SNCAIP: variants seen among roughly 807,000 people sequenced by gnomAD.
SNCAIP encodes the protein synuclein alpha interacting protein.
Under a neutral mutation model 86.7 loss-of-function variants are expected in SNCAIP, and 43 were observed. That is an observed-to-expected ratio of 0.50 (90% CI 0.39 to 0.64). The LOEUF is 0.64. SNCAIP is among the 30% of genes least tolerant of loss of function. The pLI is 0.00. For missense variants in SNCAIP, 981 were observed against 1,103.1 expected (o/e 0.89, Z 1.57); for synonymous variants, 417 against 427.2 (o/e 0.98, Z 0.29).
chr5:122,443,012 C>T lies in SNCAIP; in HGVS notation c.1423-1551C>T, dbSNP rs6875944. Among the ~76,000 whole-genome samples, 551 of 152,188 alleles carry T rather than the reference C, an allele frequency of 3.6e-3. 13 individuals carry two copies. The highest frequency in any genetic ancestry group is 0.035 in the East Asian group (179 of 5,180). On this transcript the variant is annotated intron_variant, in intron 7 of 10. Coordinates refer to ENST00000261368, the MANE Select transcript of SNCAIP (RefSeq NM_005460.4). ...GGAAAGAAAACTGCAGAGGTCAGGGCCAAGGGGGAGTAATAACAGTGTGTG... is the reference window on the plus strand; with the variant it reads ...GGAAAGAAAACTGCAGAGGTCAGGGTCAAGGGGGAGTAATAACAGTGTGTG...
chr5:122,354,790 C>G (rs1269234082), intron 1 of SNCAIP, among the ~76,000 whole-genome samples: 1 of 152,090 alleles, frequency 6.6e-6, no homozygotes, highest in Non-Finnish European at 1.5e-5. Context: ...CATTTTTATA[C>G]TTTTTATTCA....
intron 1 of SNCAIP, among the ~76,000 whole-genome samples, chr5:122,384,919 C>T (rs1277812372): frequency 1.3e-5 from 2 of 152,202 alleles, no homozygotes; most frequent in Non-Finnish European, 2.9e-5. Context: ...AGCAAAAATA[C>T]AGCAATCAAT....
intron 1 of SNCAIP, among the ~76,000 whole-genome samples, chr5:122,375,471 C>CT (rs35995238): frequency 0.047 from 5,374 of 115,472 alleles, 262 homozygotes; most frequent in African/African-American, 0.14. Flanking sequence ...TAGATTTTTG[C>CT]TTTTTTTTTT....
At chr5:122,360,349 G>A (rs975642332) in intron 1 of SNCAIP, among the ~76,000 whole-genome samples, 1 of 152,104 alleles carries the variant, frequency 6.6e-6, no homozygotes, top group Non-Finnish European at 1.5e-5. Flanking sequence ...TTCCTGACTG[G>A]CTCCTCAGCC....
chr5:122,362,228 T>C (rs1282619557), intron 1 of SNCAIP, among the ~76,000 whole-genome samples: 5 of 152,200 alleles, frequency 3.3e-5, no homozygotes, highest in African/African-American at 1.2e-4. Flanking sequence ...GATAAAAGTG[T>C]GCCTATTTTA....
chr5:122,405,972 C>T lies in SNCAIP; in HGVS notation c.130+2107C>T, dbSNP rs563514627. ...GTGCTCAAGGTAATCAGTAATCAGA[C>T]CTGACAGGAAATGGATTATGAGGGA... is the stretch of plus-strand genomic sequence containing the variant. On this transcript the variant is annotated intron_variant, in intron 3 of 10. Transcript: ENST00000261368. Among the ~76,000 whole-genome samples the T allele has an allele frequency of 2.6e-5, 4 of 152,168 alleles. No individual in the cohort carries two copies. In the South Asian group the frequency reaches 8.3e-4, roughly 32 times the overall value.
At chr5:122,329,521 T>G (rs942193971) in intron 1 of SNCAIP, among the ~76,000 whole-genome samples, 1 of 152,128 alleles carries the variant, frequency 6.6e-6, no homozygotes, top group African/African-American at 2.4e-5. Context: ...TGAAGAAAAT[T>G]TATGATAGTA....
chr5:122,340,851 G>T (rs1211726164), intron 1 of SNCAIP, among the ~76,000 whole-genome samples: 1 of 152,072 alleles, frequency 6.6e-6, no homozygotes, highest in African/African-American at 2.4e-5. Flanking sequence ...AATTTATTAG[G>T]CACTTGCCGA....
chr5:122,380,645 T>G (rs1580838768), intron 1 of SNCAIP, among the ~76,000 whole-genome samples: 1 of 147,086 alleles, frequency 6.8e-6, no homozygotes, highest in East Asian at 2.0e-4. Context: ...GGTGTCAATT[T>G]TGGATCTTTC....
intron 5 of SNCAIP, 61 bp downstream of exon 5, chr5:122,425,592 C>G (rs537255977): frequency 5.1e-6 from 7 of 1,381,562 alleles, no homozygotes; most frequent in Non-Finnish European, 6.2e-6. Flanking sequence ...TTTTAAGATT[C>G]CTTGTGAGCT....
intron 3 of SNCAIP, among the ~76,000 whole-genome samples, chr5:122,405,059 T>C (rs892273846): frequency 1.2e-4 from 19 of 152,364 alleles, no homozygotes; most frequent in African/African-American, 4.6e-4. Flanking sequence ...ATAAGTCTTA[T>C]AAGGATGTGT....
At chr5:122,334,169 A>T (rs1755946045) in intron 1 of SNCAIP, among the ~76,000 whole-genome samples, 1 of 152,206 alleles carries the variant, frequency 6.6e-6, no homozygotes, top group Non-Finnish European at 1.5e-5. Context: ...CTTACGTAGC[A>T]TATACCAGGT....
Position 122,453,120 on chromosome 5 carries a change from C to A in SNCAIP, c.2754+1519C>A. The A allele has an allele frequency of 5.1e-6, 3 of 589,074 alleles. No homozygotes were observed. The East Asian group carries it at 8.6e-5, about 17-fold the overall frequency. The allele number at this position is 589,074 out of a possible 1,614,324, so 36.5% of individuals were successfully genotyped here. On this transcript the variant is annotated intron_variant, in intron 10 of 10. Coordinates refer to ENST00000261368, the MANE Select transcript of SNCAIP (RefSeq NM_005460.4). ...ATAACACCAAGGAAGAAGAAAATTA[C>A]AACTATTCCCCCAAGTAGAAGCAGG...
At chr5:122,388,130 G>A (rs970547360) in intron 1 of SNCAIP, among the ~76,000 whole-genome samples, 4 of 152,186 alleles carry the variant, frequency 2.6e-5, no homozygotes, top group South Asian at 2.1e-4. Flanking sequence ...GAGCAGCTGC[G>A]GCTTAGCTCC....
At chr5:122,374,308 G>T (rs901151292) in intron 1 of SNCAIP, among the ~76,000 whole-genome samples, 2 of 152,142 alleles carry the variant, frequency 1.3e-5, no homozygotes, top group African/African-American at 4.8e-5. Context: ...AGACTTGGCA[G>T]CATGCAGCTT....
At chr5:122,438,609 C>T (rs975478598) in intron 6 of SNCAIP, among the ~76,000 whole-genome samples, 1 of 152,136 alleles carries the variant, frequency 6.6e-6, no homozygotes, top group Non-Finnish European at 1.5e-5. Flanking sequence ...GTTTTTGTGA[C>T]CAGAAATATG....
Position 122,376,130 on chromosome 5 carries a change from T to C in SNCAIP, c.-46-14959T>C, listed in dbSNP as rs1228223551. ...TTTTAATAAGCCATCTGAGTGACTC[T>C]CGTGCACTCTAAAGTTTGAGAATAA... On this transcript the variant is annotated intron_variant, in intron 1 of 10. Transcript: ENST00000261368. Among the ~76,000 whole-genome samples, 5 of 152,236 alleles carry C rather than the reference T, an allele frequency of 3.3e-5. No homozygotes were observed. In the East Asian group the frequency reaches 9.7e-4, roughly 29 times the overall value.
intron 10 of SNCAIP, among the ~76,000 whole-genome samples, chr5:122,454,986 G>A (rs1036028095): frequency 2.0e-5 from 3 of 152,174 alleles, no homozygotes; most frequent in African/African-American, 7.2e-5. Context: ...TTAAGGAAAA[G>A]TCCTTCTAAA....
At chr5:122,441,082 G>GCAGA in intron 7 of SNCAIP, 1 of 263,776 alleles carries the variant, frequency 3.8e-6, no homozygotes, top group Non-Finnish European at 7.4e-6. Flanking sequence ...CCACTACCAG[G>GCAGA]CAGACATCTG....
Sources: allele counts gnomAD v4.1 joint callset (sites outside exome capture counted in the v4.1 genomes callset), GRCh38; gene constraint gnomAD v4.1.1; transcripts MANE v1.5; gene names NCBI Gene and HGNC (gene_info 2026-07-23, HGNC 2026-07-21).